Variants in BTBD1 observed in about 807,000 individuals in gnomAD.
BTBD1 encodes the protein BTB domain containing 1, also known as BTB/POZ domain-containing protein 1.
A neutral mutation model predicts 48.0 loss-of-function variants in BTBD1; 34 were observed. The observed-to-expected ratio is 0.71, with a 90% CI of 0.54 to 0.94. BTBD1 has a LOEUF of 0.94. Among genes scored for constraint, BTBD1 ranks in the 40% least tolerant of loss-of-function variants. BTBD1 has a pLI of 0.00. For missense variants in BTBD1, 543 were observed against 625.6 expected (o/e 0.87, Z 1.41); for synonymous variants, 261 against 242.1 (o/e 1.08, Z -0.72).
chr15:83,038,797 C>T (rs1017530559), intron 4 of BTBD1, among the ~76,000 whole-genome samples: 1 of 152,082 alleles, frequency 6.6e-6, no homozygotes. Context: ...TCCCTCTATT[C>T]AGTAAAGGGT....
intron 3 of BTBD1, chr15:83,044,306 G>A (rs1307892291): frequency 5.8e-6 from 5 of 868,116 alleles, no homozygotes; most frequent in Admixed American, 2.3e-5. Flanking sequence ...ACCCCAGTTC[G>A]ACAGCAAGCT....
At position 83,055,298 on chromosome 15, in the gene BTBD1, C is replaced by T. The variant is rs538595467; in HGVS notation, c.558+1091G>A. 3.9e-5 allele frequency among the ~76,000 whole-genome samples: 6 copies of T among 152,306 alleles called. No homozygotes were observed. The South Asian group carries it at 1.2e-3, about 32-fold the overall frequency. On this transcript the variant is annotated intron_variant, in intron 2 of 7. Coordinates refer to ENST00000261721, the MANE Select transcript of BTBD1 (RefSeq NM_025238.4). The stretch of plus-strand genomic sequence containing the variant: ...TTTGAGACAGCGTTTCCCTCTGTCA[C>T]CCAAGCTGGACTGCAATGGCGCAAT...
rs546697794 is a variant in BTBD1, at chr15:83,032,470, G to A, written c.863-2142C>T. ...GCACTACCAACTGCAAAAATATGGA[G>A]CCAACCTAAATGCCCATCAACCAAC... On this transcript the variant is annotated intron_variant, in intron 4 of 7. Coordinates refer to ENST00000261721, the MANE Select transcript of BTBD1 (RefSeq NM_025238.4). Among the ~76,000 whole-genome samples, 260 of 152,230 alleles carry A rather than the reference G, an allele frequency of 1.7e-3. 1 individual carries two copies. Among genetic ancestry groups the A allele is most frequent in the African/African-American group, 6.1e-3 (254 of 41,528 alleles).
At chr15:83,023,536 C>T (rs2032342302) in intron 5 of BTBD1, among the ~76,000 whole-genome samples, 2 of 152,012 alleles carry the variant, frequency 1.3e-5, no homozygotes, top group Admixed American at 1.3e-4. Context: ...CATGCCACTA[C>T]ATGCTGCTAA....
intron 5 of BTBD1, among the ~76,000 whole-genome samples, chr15:83,028,989 T>C (rs1259532509): frequency 6.6e-6 from 1 of 152,290 alleles, no homozygotes; most frequent in African/African-American, 2.4e-5. Context: ...CTTTTGCTAT[T>C]TGTTTTCTAG....
intron 3 of BTBD1, among the ~76,000 whole-genome samples, chr15:83,049,514 G>T (rs1251930938): frequency 6.6e-6 from 1 of 152,014 alleles, no homozygotes; most frequent in Non-Finnish European, 1.5e-5. Flanking sequence ...CCATTTTCCG[G>T]ATTTGCATAG....
Position 83,067,068 on chromosome 15 carries a change from C to A in BTBD1, c.84G>T (p.Pro28=), listed in dbSNP as rs745672080. ...GGGGCCCCAGAGAGGACGGTGAGGG[C>A]GGCGGCGGCGGCCCCGCGGGGCCCG... ...AEPGPAGPPP[P]PSPSSLGPLL... is the part of the protein sequence containing the mutation. Residue 28 remains proline (P), a synonymous_variant, in exon 1 of 8, where the codon CCG becomes CCT. Transcript: ENST00000261721. 2.6e-6 allele frequency: 4 copies of A among 1,551,654 alleles called. No homozygotes were observed. The South Asian group carries it at 3.5e-5, about 14-fold the overall frequency.
intron 3 of BTBD1, among the ~76,000 whole-genome samples, chr15:83,044,014 A>G (rs2032820712): frequency 6.6e-6 from 1 of 152,224 alleles, no homozygotes; most frequent in Admixed American, 6.5e-5. Context: ...CTAATATACT[A>G]GAATGAAATG....
In BTBD1 at chr15:83,053,228, T is replaced by C. The variant is rs548582640; in HGVS notation, c.559-3050A>G. Among the ~76,000 whole-genome samples the C allele has an allele frequency of 4.7e-4, 72 of 152,280 alleles. 1 individual carries two copies. The highest frequency in any genetic ancestry group is 1.7e-3 in the African/African-American group (72 of 41,566). The stretch of plus-strand genomic sequence containing the variant: ...CATGCTGGTACAGTATACTGGCACT[T>C]TGCTTTAGAGAGAAGCTGGCAAAGG... On this transcript the variant is annotated intron_variant, in intron 2 of 7. Transcript: ENST00000261721.
intron 1 of BTBD1, among the ~76,000 whole-genome samples, chr15:83,063,913 T>G (rs918464498): frequency 3.9e-5 from 6 of 152,234 alleles, no homozygotes; most frequent in Non-Finnish European, 8.8e-5. Context: ...ATTGTATCTT[T>G]AGTTTCCCTT....
At position 83,066,769 on chromosome 15, in the gene BTBD1, G is replaced by A; in HGVS notation, c.383C>T (p.Ala128Val). 7.0e-7 allele frequency: 1 copy of A among 1,420,202 alleles called. No individual in the cohort carries two copies. Among genetic ancestry groups the A allele is most frequent in the Non-Finnish European group, 9.2e-7 (1 of 1,092,860 alleles). The allele number at this position is 1,420,202 out of a possible 1,614,324, so 88.0% of individuals were successfully genotyped here. A position where few individuals can be genotyped will look rare whatever the true frequency, so the allele number is the denominator to read the frequency against. The change falls in exon 1 of 8, where the codon GCC becomes GTC. Residue 128 changes from alanine (A) to valine (V), a missense_variant. Transcript: ENST00000261721. The part of the protein sequence containing the change: ...EIELPDVEPA[A>V]FLALLRFLYS... ...CGCTCACCTCAGCAGCGCCAGGAAGGCTGCGGGCTCCACGTCCGGCAGCTC... is the reference window on the plus strand; with the variant it reads ...CGCTCACCTCAGCAGCGCCAGGAAGACTGCGGGCTCCACGTCCGGCAGCTC...
chr15:83,035,610 C>G (rs1213031831), intron 4 of BTBD1, among the ~76,000 whole-genome samples: 1 of 151,772 alleles, frequency 6.6e-6, no homozygotes, highest in Non-Finnish European at 1.5e-5. Flanking sequence ...TAAATATATG[C>G]ATTCAAAAAG....
intron 2 of BTBD1, among the ~76,000 whole-genome samples, chr15:83,052,759 T>G (rs1174471525): frequency 6.8e-6 from 1 of 147,892 alleles, no homozygotes; most frequent in Admixed American, 6.9e-5. Context: ...GCCTCCCGAG[T>G]AGCTGGGACT....
At chr15:83,063,785 C>T (rs1369269542) in intron 1 of BTBD1, among the ~76,000 whole-genome samples, 1 of 152,242 alleles carries the variant, frequency 6.6e-6, no homozygotes, top group Admixed American at 6.5e-5. Flanking sequence ...CACTGGTTCA[C>T]TCTTGTGTTC....
intron 2 of BTBD1, among the ~76,000 whole-genome samples, chr15:83,054,885 G>A (rs1270079908): frequency 1.3e-5 from 2 of 152,044 alleles, no homozygotes; most frequent in African/African-American, 4.8e-5. Context: ...CTAAATGATA[G>A]AATGAACACT....
At chr15:83,050,949 G>T (rs1387107084) in intron 2 of BTBD1, among the ~76,000 whole-genome samples, 1 of 150,268 alleles carries the variant, frequency 6.7e-6, no homozygotes, top group Admixed American at 6.6e-5. Context: ...AATTCCAGAA[G>T]AACTAATTTT....
chr15:83,050,430 T>TG (rs2032959429), intron 2 of BTBD1, among the ~76,000 whole-genome samples: 1 of 146,150 alleles, frequency 6.8e-6, no homozygotes. Context: ...TTTTATGTGC[T>TG]TGTGTGTGTG....
intron 2 of BTBD1, among the ~76,000 whole-genome samples, chr15:83,053,474 G>C (rs1433024235): frequency 6.6e-6 from 1 of 152,104 alleles, no homozygotes; most frequent in African/African-American, 2.4e-5. Context: ...GGTGTCATCT[G>C]AATGCCTGTT....
At chr15:83,037,302 G>C (rs2032649628) in intron 4 of BTBD1, among the ~76,000 whole-genome samples, 1 of 152,150 alleles carries the variant, frequency 6.6e-6, no homozygotes, top group Non-Finnish European at 1.5e-5. Flanking sequence ...GGTGAAGGTG[G>C]AAGAATCACT....
Sources: gnomAD v4.1 joint callset for allele counts (sites outside exome capture counted in the v4.1 genomes callset) on GRCh38, gnomAD v4.1.1 for gene constraint, MANE v1.5 for transcripts, NCBI Gene and HGNC (gene_info 2026-07-23, HGNC 2026-07-21) for gene names.